Variants in ARHGAP24 observed in about 807,000 individuals in gnomAD.
ARHGAP24 encodes the protein Rho GTPase activating protein 24, also known as rho GTPase-activating protein 24.
A neutral mutation model predicts 76.4 loss-of-function variants in ARHGAP24; 50 were observed. The ratio of observed to expected loss-of-function variants is 0.65; its 90% CI spans 0.52 to 0.83. The LOEUF is 0.83. ARHGAP24 is among the 40% of genes least tolerant of loss of function. The pLI is 0.00. For missense variants in ARHGAP24, 930 were observed against 914.2 expected (o/e 1.02, Z -0.22); for synonymous variants, 345 against 323.3 (o/e 1.07, Z -0.72).
intron 3 of ARHGAP24, among the ~76,000 whole-genome samples, chr4:85,851,094 G>T (rs1408638276): frequency 6.6e-6 from 1 of 152,160 alleles, no homozygotes; most frequent in Non-Finnish European, 1.5e-5. Context: ...AAGTCTCTTT[G>T]TAGGTCTCTA....
At chr4:85,765,089 A>C (rs770282840) in intron 3 of ARHGAP24, among the ~76,000 whole-genome samples, 2 of 152,128 alleles carry the variant, frequency 1.3e-5, no homozygotes, top group Non-Finnish European at 2.9e-5. Context: ...ATTTAGCCTA[A>C]GAATCAAACT....
At chr4:85,603,281 G>A (rs1720092039) in intron 2 of ARHGAP24, among the ~76,000 whole-genome samples, 1 of 152,132 alleles carries the variant, frequency 6.6e-6, no homozygotes, top group African/African-American at 2.4e-5. Flanking sequence ...TATGGAGGTG[G>A]TTGACCACCT....
At chr4:85,553,754 G>C (rs1194033920) in intron 1 of ARHGAP24, among the ~76,000 whole-genome samples, 4 of 152,202 alleles carry the variant, frequency 2.6e-5, no homozygotes, top group Non-Finnish European at 5.9e-5. Flanking sequence ...ATTGGGTCTT[G>C]CTTCTTTATC....
intron 2 of ARHGAP24, among the ~76,000 whole-genome samples, chr4:85,646,777 A>G (rs1392831527): frequency 6.6e-6 from 1 of 152,108 alleles, no homozygotes; most frequent in East Asian, 1.9e-4. Flanking sequence ...TGCTGTTCAG[A>G]GGCTAGTTGG....
At chr4:85,699,683 C>T (rs757395016) in intron 2 of ARHGAP24, among the ~76,000 whole-genome samples, 3 of 152,012 alleles carry the variant, frequency 2.0e-5, no homozygotes, top group Non-Finnish European at 4.4e-5. Flanking sequence ...CTCCCCACCC[C>T]GCTATAACTC....
chr4:85,989,498 A>G (rs935219088), intron 8 of ARHGAP24, among the ~76,000 whole-genome samples: 8 of 151,730 alleles, frequency 5.3e-5, no homozygotes, highest in Non-Finnish European at 8.9e-5. Flanking sequence ...ACTCTTTCAG[A>G]AAAAAAGAAG....
At chr4:85,738,428 G>A (rs1360070655) in intron 3 of ARHGAP24, among the ~76,000 whole-genome samples, 3 of 140,084 alleles carry the variant, frequency 2.1e-5, no homozygotes, top group Admixed American at 7.1e-5. Flanking sequence ...ATTATTGTCA[G>A]GTTGTAAGAG....
At chr4:85,598,166 C>T (rs900692275) in intron 2 of ARHGAP24, among the ~76,000 whole-genome samples, 2 of 151,986 alleles carry the variant, frequency 1.3e-5, no homozygotes, top group African/African-American at 4.8e-5. Context: ...AACTTGGTAT[C>T]AGTTCTTCTT....
intron 8 of ARHGAP24, among the ~76,000 whole-genome samples, chr4:85,985,202 G>C (rs1739914111): frequency 6.6e-6 from 1 of 152,036 alleles, no homozygotes; most frequent in African/African-American, 2.4e-5. Context: ...TTGCAGCACT[G>C]TTCACAATAG....
intron 2 of ARHGAP24, among the ~76,000 whole-genome samples, chr4:85,619,778 A>C (rs1469073969): frequency 1.3e-5 from 2 of 151,982 alleles, no homozygotes; most frequent in African/African-American, 2.4e-5. Context: ...TAGAAACACT[A>C]TTGATTTTTG....
At chr4:85,791,093 G>A (rs1164933049) in intron 3 of ARHGAP24, among the ~76,000 whole-genome samples, 1 of 152,152 alleles carries the variant, frequency 6.6e-6, no homozygotes, top group African/African-American at 2.4e-5. Context: ...AACCTGTTGT[G>A]TCCTTCCCCT....
intron 1 of ARHGAP24, among the ~76,000 whole-genome samples, chr4:85,505,294 T>C (rs1338459563): frequency 2.6e-5 from 4 of 152,228 alleles, no homozygotes; most frequent in Non-Finnish European, 5.9e-5. Context: ...GAAGTTCTCC[T>C]GGATAATATC....
chr4:85,600,789 A>T (rs1190819694), intron 2 of ARHGAP24, among the ~76,000 whole-genome samples: 2 of 152,156 alleles, frequency 1.3e-5, no homozygotes, highest in Non-Finnish European at 2.9e-5. Context: ...TCTTTTAGCA[A>T]CTCCCATGAA....
At chr4:85,644,691 G>T (rs955314942) in intron 2 of ARHGAP24, among the ~76,000 whole-genome samples, 1 of 152,108 alleles carries the variant, frequency 6.6e-6, no homozygotes, top group Non-Finnish European at 1.5e-5. Flanking sequence ...TGTATGTATG[G>T]CATCTCATAA....
intron 8 of ARHGAP24, chr4:85,991,636 G>C (rs964430551): frequency 5.3e-5 from 8 of 152,294 alleles, no homozygotes; most frequent in African/African-American, 1.9e-4. Context: ...ATATGAAATT[G>C]TAAAAAAAGG....
intron 1 of ARHGAP24, among the ~76,000 whole-genome samples, chr4:85,564,637 G>T (rs1399805832): frequency 1.3e-5 from 2 of 151,684 alleles, no homozygotes; most frequent in Non-Finnish European, 2.9e-5. Flanking sequence ...GTGAGGGGGA[G>T]ATGGTTTGGG....
At position 85,662,441 on chromosome 4, in the gene ARHGAP24, C is replaced by T. The variant is rs892003035; in HGVS notation, c.181-59444C>T. Among the ~76,000 whole-genome samples the T allele has an allele frequency of 5.3e-5, 8 of 150,852 alleles. No homozygotes were observed. The East Asian group carries it at 9.7e-4, about 18-fold the overall frequency. ...ATCCCTTTGTCAGATGAGTTCGTTG[C>T]GAAAATTTTCTCCCATTTTGTAGGT... On this transcript the variant is annotated intron_variant, in intron 2 of 9. Coordinates refer to ENST00000395184, the MANE Select transcript of ARHGAP24 (RefSeq NM_001025616.3).
chr4:85,642,869 A>C (rs1721577641), intron 2 of ARHGAP24, among the ~76,000 whole-genome samples: 1 of 152,164 alleles, frequency 6.6e-6, no homozygotes, highest in Non-Finnish European at 1.5e-5. Flanking sequence ...CGTCGTTCTC[A>C]GAACAGAAGC....
At chr4:85,859,573 T>C (rs766715921) in intron 3 of ARHGAP24, among the ~76,000 whole-genome samples, 3 of 152,110 alleles carry the variant, frequency 2.0e-5, no homozygotes, top group Non-Finnish European at 2.9e-5. Context: ...ACATATTTCT[T>C]CTCCTCATGA....
Sources: allele counts gnomAD v4.1 joint callset (sites outside exome capture counted in the v4.1 genomes callset), GRCh38; gene constraint gnomAD v4.1.1; transcripts MANE v1.5; gene names NCBI Gene and HGNC (gene_info 2026-07-23, HGNC 2026-07-21).